The following SGIP1 variants were observed in gnomAD, a reference collection of about 807,000 sequenced individuals.
SGIP1 encodes the protein SH3GL interacting endocytic adaptor 1, also known as SH3-containing GRB2-like protein 3-interacting protein 1.
A neutral mutation model predicts 107.5 loss-of-function variants in SGIP1; 38 were observed. The ratio of observed to expected loss-of-function variants is 0.35; its 90% CI spans 0.27 to 0.46. The LOEUF (loss-of-function observed/expected upper bound fraction) is 0.46. Among genes scored for constraint, SGIP1 ranks in the 20% least tolerant of loss-of-function variants. SGIP1 has a pLI of 1.00. For synonymous variants in SGIP1, 365 were observed against 366.1 expected (o/e 1.00, Z 0.03); for missense variants, 929 against 1,019.5 (o/e 0.91, Z 1.21).
At chr1:66,550,016 T>C (rs779811078) in intron 1 of SGIP1, among the ~76,000 whole-genome samples, 1 of 152,168 alleles carries the variant, frequency 6.6e-6, no homozygotes, top group Non-Finnish European at 1.5e-5. Context: ...CCTCCCAGTA[T>C]CTTTGAGTTC....
intron 5 of SGIP1, among the ~76,000 whole-genome samples, chr1:66,640,902 G>A (rs912148187): frequency 6.6e-6 from 1 of 152,064 alleles, no homozygotes; most frequent in African/African-American, 2.4e-5. Flanking sequence ...TTGCTTATAC[G>A]CAGAATCTAA....
At chr1:66,701,492 A>G (rs2091903875) in intron 18 of SGIP1, among the ~76,000 whole-genome samples, 2 of 152,342 alleles carry the variant, frequency 1.3e-5, no homozygotes, top group Non-Finnish European at 2.9e-5. Flanking sequence ...GTTTTTATAT[A>G]TGGACTGTAT....
At chr1:66,622,569 G>T (rs1238997292) in intron 1 of SGIP1, among the ~76,000 whole-genome samples, 1 of 151,584 alleles carries the variant, frequency 6.6e-6, no homozygotes, top group Non-Finnish European at 1.5e-5. Context: ...ATTTAATTTT[G>T]TGTGTGTGTG....
chr1:66,724,132 A>G (rs775398409), intron 19 of SGIP1, among the ~76,000 whole-genome samples: 1 of 152,158 alleles, frequency 6.6e-6, no homozygotes, highest in Non-Finnish European at 1.5e-5. Context: ...TATGAGAGAG[A>G]TGCATCTCTG....
chr1:66,606,539 G>C lies in SGIP1; in HGVS notation c.11-19308G>C, dbSNP rs542627387. Reference sequence around the variant, plus strand: ...GGAAAAATAAGAAGGTTCCATGAGGGAGACATGACAGAGGGCTTGGCTGAT... The same window carrying C: ...GGAAAAATAAGAAGGTTCCATGAGGCAGACATGACAGAGGGCTTGGCTGAT... On this transcript the variant is annotated intron_variant, in intron 1 of 24. Transcript: ENST00000371037. Among the ~76,000 whole-genome samples the C allele has an allele frequency of 4.6e-5, 7 of 152,276 alleles. No homozygotes were observed. In the East Asian group the frequency reaches 1.4e-3, roughly 29 times the overall value.
intron 1 of SGIP1, among the ~76,000 whole-genome samples, chr1:66,547,285 GATGGATAT>G (rs2056581177): frequency 6.6e-6 from 1 of 152,058 alleles, no homozygotes; most frequent in Non-Finnish European, 1.5e-5. Context: ...TTTCAATGGG[GATGGATAT>G]ATGGAATTTT....
At chr1:66,675,386 C>A (rs993651348) in intron 12 of SGIP1, among the ~76,000 whole-genome samples, 3 of 152,216 alleles carry the variant, frequency 2.0e-5, no homozygotes, top group South Asian at 2.1e-4. Context: ...ATGATTTCAG[C>A]CCCTGAACTT....
intron 20 of SGIP1, among the ~76,000 whole-genome samples, chr1:66,730,886 A>C (rs2093978748): frequency 6.6e-6 from 1 of 151,406 alleles, no homozygotes; most frequent in East Asian, 1.9e-4. Context: ...TCTTCACCTG[A>C]CTCCAACTCA....
rs2094517437 is a variant in SGIP1, at chr1:66,743,762, A to G, written c.*667A>G. 6.6e-6 allele frequency: 1 copy of G among 152,646 alleles called. No individual in the cohort carries two copies. The highest frequency in any genetic ancestry group is 2.4e-5 in the African/African-American group (1 of 41,474). The allele number at this position is 152,646 out of a possible 1,614,324, so 9.5% of individuals were successfully genotyped here. On this transcript the variant is annotated 3_prime_UTR_variant, in exon 25 of 25. Coordinates refer to ENST00000371037, the MANE Select transcript of SGIP1 (RefSeq NM_032291.4). The stretch of plus-strand genomic sequence containing the variant: ...GCTTTTTTTTCAAACTGCAAATTTC[A>G]TAAAAATGCAAACTGTGTAAACAGG...
rs567107495 is a variant in SGIP1 at position 66,692,829 on chromosome 1, C to T, written c.1570+2513C>T. Reference sequence around the variant, plus strand: ...CAGCAATTCATATAAGAAGATGCCCCTAAATGACTTTGGATATGAAATCTC... The same window carrying T: ...CAGCAATTCATATAAGAAGATGCCCTTAAATGACTTTGGATATGAAATCTC... On this transcript the variant is annotated intron_variant, in intron 17 of 24. Transcript: ENST00000371037. 4.1e-4 allele frequency among the ~76,000 whole-genome samples: 62 copies of T among 152,282 alleles called. 2 individuals carry two copies. Among genetic ancestry groups the T allele is most frequent in the African/African-American group, 1.5e-3 (62 of 41,554 alleles).
At chr1:66,682,598 C>T (rs1241852875) in intron 15 of SGIP1, among the ~76,000 whole-genome samples, 1 of 152,030 alleles carries the variant, frequency 6.6e-6, no homozygotes, top group Non-Finnish European at 1.5e-5. Flanking sequence ...TTAGGTGTGC[C>T]CTGCCATCCA....
intron 1 of SGIP1, among the ~76,000 whole-genome samples, chr1:66,546,677 C>T (rs1047709599): frequency 3.3e-5 from 5 of 152,172 alleles, no homozygotes; most frequent in Admixed American, 1.3e-4. Context: ...GAGAATTCTG[C>T]GTTGGATTCT....
intron 1 of SGIP1, among the ~76,000 whole-genome samples, chr1:66,549,385 G>T (rs1160108832): frequency 6.6e-6 from 1 of 152,130 alleles, no homozygotes; most frequent in African/African-American, 2.4e-5. Flanking sequence ...TAGTGACAAT[G>T]ACATTAAAAT....
At chr1:66,677,605 TGTGAAA>T (rs1321796542) in intron 13 of SGIP1, among the ~76,000 whole-genome samples, 1 of 152,196 alleles carries the variant, frequency 6.6e-6, no homozygotes. Flanking sequence ...AGTAAATGTA[TGTGAAA>T]GTTGCCATCA....
chr1:66,695,232 CT>C (rs2090645723), intron 17 of SGIP1: 1 of 1,075,204 alleles, frequency 9.3e-7, no homozygotes, highest in African/African-American at 2.0e-5. Flanking sequence ...CATAGCTTTG[CT>C]TTTGCTTTCT....
chr1:66,740,616 AC>A (rs2094419530), intron 22 of SGIP1, 41 bp from the exon 23 acceptor site: 2 of 1,339,606 alleles, frequency 1.5e-6, no homozygotes, highest in South Asian at 2.5e-5. Context: ...GTAAACAAAA[AC>A]TCTTGGATAT....
chr1:66,736,192 T>C (rs2094226269), intron 21 of SGIP1, among the ~76,000 whole-genome samples: 2 of 50,080 alleles, frequency 4.0e-5, no homozygotes, highest in South Asian at 8.6e-4. Flanking sequence ...TAAATATTTA[T>C]ACAAATATTT....
chr1:66,550,863 T>G (rs1020793019), intron 1 of SGIP1, among the ~76,000 whole-genome samples: 2 of 152,152 alleles, frequency 1.3e-5, no homozygotes, highest in African/African-American at 2.4e-5. Flanking sequence ...GACCATAGAC[T>G]TGAACACTGA....
intron 1 of SGIP1, among the ~76,000 whole-genome samples, chr1:66,556,209 T>C (rs2058148311): frequency 6.6e-6 from 1 of 152,162 alleles, no homozygotes; most frequent in Non-Finnish European, 1.5e-5. Flanking sequence ...CCCGGTGATA[T>C]GCTCTACTGG....
Sources: gnomAD v4.1 joint callset for allele counts (sites outside exome capture counted in the v4.1 genomes callset) on GRCh38, gnomAD v4.1.1 for gene constraint, MANE v1.5 for transcripts, NCBI Gene and HGNC (gene_info 2026-07-23, HGNC 2026-07-21) for gene names.